IL1R1: variants seen among roughly 807,000 people sequenced by gnomAD.
IL1R1 encodes the protein interleukin-1 receptor type 1.
In IL1R1, 22 loss-of-function variants were observed where a neutral mutation model predicts 50.2. That is an observed-to-expected ratio of 0.44 (90% CI 0.31 to 0.63). IL1R1 has a LOEUF of 0.63. Ranked by LOEUF, IL1R1 falls within the 20% of genes least tolerant of loss-of-function variation. The pLI is 0.07. For missense variants in IL1R1, 509 were observed against 676.2 expected, an observed-to-expected ratio of 0.75 and a Z score of 2.74; for synonymous variants, 251 against 236.7, an observed-to-expected ratio of 1.06 and a Z score of -0.55.
intron 2 of IL1R1, chr2:102,156,131 C>T (rs1684167168): frequency 6.6e-6 from 1 of 152,448 alleles, no homozygotes; most frequent in Admixed American, 6.5e-5. Context: ...TCTTTCCTTC[C>T]TCTCTATCCT....
At chr2:102,172,640 T>G in intron 8 of IL1R1, 47 bp from the exon 9 acceptor site, 5 of 1,506,808 alleles carry the variant, frequency 3.3e-6, no homozygotes, top group Non-Finnish European at 4.5e-6. Context: ...TATTTGTAGT[T>G]GATGCAATTA....
At chr2:102,096,637 A>C (rs559398789) in intron 1 of IL1R1, among the ~76,000 whole-genome samples, 1 of 152,042 alleles carries the variant, frequency 6.6e-6, no homozygotes, top group East Asian at 1.9e-4. Flanking sequence ...TTTGTGTTAT[A>C]AATGTCTTCC....
intron 1 of IL1R1, among the ~76,000 whole-genome samples, chr2:102,074,793 C>T (rs139491535): frequency 2.0e-5 from 3 of 152,274 alleles, no homozygotes; most frequent in African/African-American, 7.2e-5. Flanking sequence ...ATTTTGCTGT[C>T]ATTTAAAACA....
chr2:102,090,487 T>G (rs541391265), intron 1 of IL1R1, among the ~76,000 whole-genome samples: 2 of 152,090 alleles, frequency 1.3e-5, no homozygotes, highest in African/African-American at 4.8e-5. Context: ...TCTCTTACGC[T>G]CTTTTTATTA....
In IL1R1 at chr2:102,176,833, T is replaced by G; in HGVS notation, c.*74T>G. On this transcript the variant is annotated 3_prime_UTR_variant, in exon 12 of 12. Transcript: ENST00000410023. ...TTGCAGGCCAGGTTATGCCTCATGC[T>G]GACTTGCAGAGTTCATGGAATGTAA... 1 of 1,371,822 alleles carries G rather than the reference T, an allele frequency of 7.3e-7. No individual in the cohort carries two copies. Among genetic ancestry groups the G allele is most frequent in the East Asian group, 2.3e-5 (1 of 43,590 alleles). 85.0% of individuals were successfully genotyped at this position (1,371,822 alleles called of 1,614,324 possible).
chr2:102,087,062 C>A (rs962843254), intron 1 of IL1R1, among the ~76,000 whole-genome samples: 1 of 151,940 alleles, frequency 6.6e-6, no homozygotes, highest in African/African-American at 2.4e-5. Flanking sequence ...TTACCCATTG[C>A]ATGTAAAAGT....
chr2:102,145,107 A>T (rs1271985649), intron 1 of IL1R1, among the ~76,000 whole-genome samples: 2 of 152,218 alleles, frequency 1.3e-5, no homozygotes, highest in Non-Finnish European at 2.9e-5. Context: ...AAGTACAGAG[A>T]TCCTTATATT....
rs1467948909 is a variant in IL1R1, at chr2:102,153,242, C to G, written c.-83-699C>G. On this transcript the variant is annotated intron_variant, in intron 1 of 11. Transcript: ENST00000410023. ...ATTTCTTTCTGGCAAAACTCAAGCTCTGTTTTCACGGAGATGATGCACTGA... is the reference window on the plus strand; with the variant it reads ...ATTTCTTTCTGGCAAAACTCAAGCTGTGTTTTCACGGAGATGATGCACTGA... Among the ~76,000 whole-genome samples the G allele has an allele frequency of 3.9e-5, 6 of 152,270 alleles. No individual in the cohort carries two copies. The East Asian group carries it at 9.7e-4, about 24-fold the overall frequency.
chr2:102,134,746 G>A (rs1174091428), intron 1 of IL1R1, among the ~76,000 whole-genome samples: 2 of 152,178 alleles, frequency 1.3e-5, no homozygotes, highest in African/African-American at 2.4e-5. Context: ...CAATCACCAT[G>A]TTCTTCCTGA....
intron 1 of IL1R1, among the ~76,000 whole-genome samples, chr2:102,094,521 T>A (rs1358744488): frequency 6.6e-6 from 1 of 152,212 alleles, no homozygotes; most frequent in South Asian, 2.1e-4. Context: ...AGTATTAGTA[T>A]TTTCAGGTTT....
At chr2:102,130,682 A>C (rs944149449) in intron 1 of IL1R1, among the ~76,000 whole-genome samples, 2 of 151,902 alleles carry the variant, frequency 1.3e-5, no homozygotes, top group East Asian at 3.9e-4. Context: ...AAGATATCAA[A>C]AACTTTTTCA....
At chr2:102,108,538 T>C (rs1361378656) in intron 1 of IL1R1, among the ~76,000 whole-genome samples, 1 of 151,950 alleles carries the variant, frequency 6.6e-6, no homozygotes, top group Non-Finnish European at 1.5e-5. Flanking sequence ...AGAGGGCGGA[T>C]CAATCAATGT....
Position 102,176,290 on chromosome 2 carries a change from G to C in IL1R1, c.1304-63G>C, listed in dbSNP as rs909181828. On this transcript the variant is annotated intron_variant, in intron 11 of 11. Coordinates refer to ENST00000410023, the MANE Select transcript of IL1R1 (RefSeq NM_000877.4). ...GTTGTGAAAAGCCTTGTGTGGCTTT[G>C]GTTCAGGAGAGAATGATGATAAATA... The C allele has an allele frequency of 4.8e-6, 7 of 1,448,986 alleles. No individual in the cohort carries two copies. In the Admixed American group the frequency reaches 1.2e-4, roughly 25 times the overall value. 89.8% of individuals were successfully genotyped at this position (1,448,986 alleles called of 1,614,324 possible).
At chr2:102,080,797 A>G (rs1679170815) in intron 1 of IL1R1, among the ~76,000 whole-genome samples, 1 of 152,240 alleles carries the variant, frequency 6.6e-6, no homozygotes, top group Non-Finnish European at 1.5e-5. Context: ...AAACATAGAA[A>G]CAACCCAAAT....
chr2:102,166,878 A>G (rs183792040), intron 6 of IL1R1, among the ~76,000 whole-genome samples: 1 of 152,344 alleles, frequency 6.6e-6, no homozygotes, highest in African/African-American at 2.4e-5. Flanking sequence ...TATGCAATTA[A>G]TAGGTGTAGG....
At chr2:102,095,624 C>T (rs930986293) in intron 1 of IL1R1, among the ~76,000 whole-genome samples, 2 of 152,198 alleles carry the variant, frequency 1.3e-5, no homozygotes, top group African/African-American at 2.4e-5. Context: ...TGCTTCCCCC[C>T]AGAAATAGCT....
chr2:102,103,452 G>A (rs185701930), upstream of IL1R1, among the ~76,000 whole-genome samples: 6 of 152,308 alleles, frequency 3.9e-5, no homozygotes, highest in Non-Finnish European at 7.3e-5. Context: ...GCAGAGGTTT[G>A]AGCAGTGCCT....
At chr2:102,075,906 C>T (rs1678935929) in intron 1 of IL1R1, among the ~76,000 whole-genome samples, 1 of 152,144 alleles carries the variant, frequency 6.6e-6, no homozygotes, top group African/African-American at 2.4e-5. Context: ...CTTATCTGTG[C>T]CAGGGAGGGA....
chr2:102,110,590 A>C (rs1198830607), intron 1 of IL1R1, among the ~76,000 whole-genome samples: 1 of 150,484 alleles, frequency 6.6e-6, no homozygotes, highest in African/African-American at 2.4e-5. Flanking sequence ...AGTTTTCTAA[A>C]TTTTCCTATC....
Sources: allele counts gnomAD v4.1 joint callset (sites outside exome capture counted in the v4.1 genomes callset), GRCh38; gene constraint gnomAD v4.1.1; transcripts MANE v1.5; gene names NCBI Gene and HGNC (gene_info 2026-07-23, HGNC 2026-07-21).